Variants in BCAS1 observed in about 807,000 individuals in gnomAD.
BCAS1 encodes the protein breast carcinoma-amplified sequence 1.
BCAS1 carries 46 observed loss-of-function variants against 65.4 expected under a neutral mutation model. The observed-to-expected ratio is 0.70, with a 90% CI of 0.55 to 0.90. The LOEUF is 0.90. Ranked by LOEUF, BCAS1 falls within the 40% of genes least tolerant of loss-of-function variation. The pLI is 0.00. For synonymous variants in BCAS1, 298 were observed against 293.5 expected, an observed-to-expected ratio of 1.02 and a Z score of -0.16; for missense variants, 793 against 771.2, an observed-to-expected ratio of 1.03 and a Z score of -0.33.
At chr20:53,979,816 A>G (rs2299731) in intron 8 of BCAS1, among the ~76,000 whole-genome samples, 52,813 of 151,966 alleles carry the variant, frequency 0.35, 10,115 homozygotes, top group African/African-American at 0.49. Context: ...AGCACTTAGC[A>G]CAGTACCTGC....
At chr20:53,947,652 C>T (rs1005948881) in intron 12 of BCAS1, among the ~76,000 whole-genome samples, 2 of 152,182 alleles carry the variant, frequency 1.3e-5, no homozygotes, top group African/African-American at 4.8e-5. Flanking sequence ...GCCCAAGCCA[C>T]TTCAGTCAAA....
At chr20:54,026,022 T>C (rs779430211) in intron 4 of BCAS1, among the ~76,000 whole-genome samples, 4 of 152,224 alleles carry the variant, frequency 2.6e-5, no homozygotes, top group Non-Finnish European at 5.9e-5. Flanking sequence ...GTGTTTCTCA[T>C]GTACATAGTA....
At chr20:53,983,755 T>A (rs183984425) in intron 8 of BCAS1, among the ~76,000 whole-genome samples, 140 of 152,300 alleles carry the variant, frequency 9.2e-4, no homozygotes, top group Admixed American at 1.8e-3. Context: ...CTCCATTGGC[T>A]TGGTCAGGAC....
At chr20:54,001,568 G>T (rs1280354157) in intron 4 of BCAS1, among the ~76,000 whole-genome samples, 2 of 151,996 alleles carry the variant, frequency 1.3e-5, no homozygotes, top group Non-Finnish European at 2.9e-5. Context: ...TGGCTCATCT[G>T]GACTTGCGGC....
At chr20:54,029,288 G>A in intron 3 of BCAS1, 3 of 949,818 alleles carry the variant, frequency 3.2e-6, no homozygotes, top group Non-Finnish European at 3.8e-6. Context: ...GCAGCATATT[G>A]TCATGATGTC....
intron 8 of BCAS1, 99 bp from the exon 9 acceptor site, chr20:53,975,529 G>A (rs1182689332): frequency 2.3e-6 from 2 of 866,006 alleles, no homozygotes; most frequent in Non-Finnish European, 3.7e-6. Context: ...GTCTTGGGGT[G>A]CGTTCGGGGA....
chr20:53,953,560 CCTGCTTGTTGCTCTT>C lies in BCAS1; in HGVS notation c.1672_1686del (p.Lys558_Gln562del). On this transcript the variant is annotated inframe_deletion, in exon 12 of 13. Coordinates refer to ENST00000688948, the MANE Select transcript of BCAS1 (RefSeq NM_001366298.2). ...GTGCACTGGGCTGGTTCTTTGGCTT[CCTGCTTGTTGCTCTT>C]CTGCTTGTTCATCTCGGCTGCTGAC... 2.5e-6 allele frequency: 4 copies of C among 1,613,932 alleles called. No individual in the cohort carries two copies. The highest frequency in any genetic ancestry group is 3.4e-6 in the Non-Finnish European group (4 of 1,180,000).
Position 54,028,698 on chromosome 20 carries a change from T to C in BCAS1, c.417A>G (p.Thr139=), listed in dbSNP as rs746345119. Residue 139 remains threonine (T), a synonymous_variant, in exon 4 of 13, where the codon ACA becomes ACG. Coordinates refer to ENST00000688948, the MANE Select transcript of BCAS1 (RefSeq NM_001366298.2). ...PANKDPSESW[T]LPVAAGPGQD... is the part of the protein sequence containing the mutation. ...GCCCCGGTCCAGCTGCCACCGGAAG[T>C]GTCCAGCTCTCACTTGGGTCTTTGT... is the stretch of plus-strand genomic sequence containing the variant. 2 of 1,614,214 alleles carry C rather than the reference T, an allele frequency of 1.2e-6. No individual in the cohort carries two copies. Among genetic ancestry groups the C allele is most frequent in the Non-Finnish European group, 1.7e-6 (2 of 1,180,036 alleles).
At chr20:53,973,294 A>T (rs2276507) in intron 9 of BCAS1, among the ~76,000 whole-genome samples, 17,718 of 152,166 alleles carry the variant, frequency 0.12, 1,379 homozygotes, top group East Asian at 0.31. Flanking sequence ...AAAAATCAAA[A>T]TGTTGCTTGC....
chr20:54,020,221 C>T (rs746954069), intron 4 of BCAS1, among the ~76,000 whole-genome samples: 4 of 152,086 alleles, frequency 2.6e-5, no homozygotes, highest in South Asian at 2.1e-4. Flanking sequence ...TTTACCTCTC[C>T]GTGACTTAGT....
intron 4 of BCAS1, among the ~76,000 whole-genome samples, chr20:54,011,482 A>C (rs1052963512): frequency 4.0e-5 from 5 of 124,350 alleles, no homozygotes; most frequent in Admixed American, 2.2e-4. Context: ...AAATAAGCAC[A>C]TAAAGATGTT....
intron 3 of BCAS1, among the ~76,000 whole-genome samples, chr20:54,047,121 T>A (rs753516075): frequency 5.9e-5 from 9 of 152,206 alleles, no homozygotes; most frequent in Non-Finnish European, 1.3e-4. Flanking sequence ...ACTGGCTGGG[T>A]ACCTCTCTCT....
At chr20:53,987,382 A>G (rs563033433) in intron 7 of BCAS1, among the ~76,000 whole-genome samples, 1 of 152,342 alleles carries the variant, frequency 6.6e-6, no homozygotes, top group South Asian at 2.1e-4. Context: ...AGCTCATAAG[A>G]TTCTGCATTA....
At chr20:54,007,434 C>A (rs190188416) in intron 4 of BCAS1, among the ~76,000 whole-genome samples, 1 of 152,298 alleles carries the variant, frequency 6.6e-6, no homozygotes, top group East Asian at 1.9e-4. Flanking sequence ...CTTCCGTAAC[C>A]TGGAGAAAGA....
chr20:53,955,527 G>C (rs995992000), intron 11 of BCAS1, among the ~76,000 whole-genome samples: 2 of 152,230 alleles, frequency 1.3e-5, no homozygotes, highest in African/African-American at 4.8e-5. Context: ...TTAAGATGCA[G>C]TGAGTGGCTA....
At chr20:53,996,123 C>A (rs1600816867) in intron 4 of BCAS1, 73 bp from the exon 5 acceptor site, 1 of 1,465,744 alleles carries the variant, frequency 6.8e-7, no homozygotes, top group Non-Finnish European at 9.1e-7. Context: ...TTGCTTCACA[C>A]CCCTTTCTCT....
chr20:53,946,733 T>C (rs2145443830), intron 12 of BCAS1, among the ~76,000 whole-genome samples: 1 of 151,162 alleles, frequency 6.6e-6, no homozygotes, highest in South Asian at 2.1e-4. Flanking sequence ...GTATAGTAAA[T>C]AAAGTATAGC....
chr20:54,029,064 A>G (rs1211399606), intron 3 of BCAS1, 92 bp from the exon 4 acceptor site: 2 of 1,471,144 alleles, frequency 1.4e-6, no homozygotes, highest in East Asian at 2.4e-5. Context: ...TACAAAAGCC[A>G]TACTGCATAC....
intron 4 of BCAS1, among the ~76,000 whole-genome samples, chr20:54,019,549 A>G (rs371414458): frequency 6.6e-5 from 10 of 152,312 alleles, no homozygotes; most frequent in African/African-American, 2.2e-4. Context: ...GATGGCTGGT[A>G]AAGTATTGTT....
Sources: gnomAD v4.1 joint callset for allele counts (sites outside exome capture counted in the v4.1 genomes callset) on GRCh38, gnomAD v4.1.1 for gene constraint, MANE v1.5 for transcripts, NCBI Gene and HGNC (gene_info 2026-07-23, HGNC 2026-07-21) for gene names.